LCORL: variants seen among roughly 807,000 people sequenced by gnomAD.
LCORL encodes ligand-dependent nuclear receptor corepressor-like protein.
LCORL carries 41 observed loss-of-function variants against 141.8 expected under a neutral mutation model. The ratio of observed to expected loss-of-function variants is 0.29; its 90% CI spans 0.23 to 0.38. The LOEUF is 0.38. LCORL is among the 10% of genes least tolerant of loss of function. The pLI, the probability that LCORL is intolerant of heterozygous loss-of-function variation, is 1.00. For missense variants in LCORL, 1,759 were observed against 2,035.0 expected (o/e 0.86, Z 2.61); for synonymous variants, 618 against 694.1 (o/e 0.89, Z 1.72).
At chr4:17,904,296 T>C (rs1171612707) in intron 5 of LCORL, among the ~76,000 whole-genome samples, 46 of 152,108 alleles carry the variant, frequency 3.0e-4, no homozygotes, top group Non-Finnish European at 1.0e-4. Context: ...ATTTTTCTTA[T>C]CAGTTGTCTG....
chr4:18,014,547 A>G (rs954461085), intron 1 of LCORL, among the ~76,000 whole-genome samples: 36 of 152,316 alleles, frequency 2.4e-4, no homozygotes, highest in African/African-American at 7.5e-4. Context: ...CAACAGATTA[A>G]GGTAAAAAAA....
intron 4 of LCORL, among the ~76,000 whole-genome samples, chr4:17,938,204 T>C (rs560798047): frequency 6.6e-6 from 1 of 151,428 alleles, no homozygotes; most frequent in African/African-American, 2.4e-5. Flanking sequence ...ATGGGGTTTC[T>C]CCATGTTGGT....
intron 7 of LCORL, among the ~76,000 whole-genome samples, chr4:17,848,700 C>T (rs991493123): frequency 1.3e-5 from 2 of 152,214 alleles, no homozygotes; most frequent in African/African-American, 2.4e-5. Flanking sequence ...GTGCAGTGCA[C>T]CGTGTGCGAG....
chr4:17,915,370 C>A (rs981549671), intron 4 of LCORL, among the ~76,000 whole-genome samples: 1 of 152,194 alleles, frequency 6.6e-6, no homozygotes, highest in South Asian at 2.1e-4. Flanking sequence ...CTGAGCAATT[C>A]TCAGGTTACT....
At chr4:17,894,328 T>C (rs549018469) in intron 5 of LCORL, among the ~76,000 whole-genome samples, 5 of 152,350 alleles carry the variant, frequency 3.3e-5, no homozygotes, top group Admixed American at 2.6e-4. Flanking sequence ...ATAATAATTC[T>C]GATAAACTTG....
intron 5 of LCORL, among the ~76,000 whole-genome samples, chr4:17,891,906 T>C (rs1729135876): frequency 6.6e-6 from 1 of 152,200 alleles, no homozygotes; most frequent in African/African-American, 2.4e-5. Context: ...TGTATGTGCC[T>C]ACATATACAC....
At chr4:17,970,082 A>C (rs980656337) in intron 2 of LCORL, among the ~76,000 whole-genome samples, 14 of 152,182 alleles carry the variant, frequency 9.2e-5, no homozygotes, top group Non-Finnish European at 1.8e-4. Context: ...CCTTAACTTA[A>C]AACATGTATT....
At chr4:17,998,709 G>A (rs1721301539) in intron 1 of LCORL, among the ~76,000 whole-genome samples, 1 of 151,788 alleles carries the variant, frequency 6.6e-6, no homozygotes, top group Admixed American at 6.6e-5. Flanking sequence ...GTTCATGCCT[G>A]TAATCCCAGA....
intron 1 of LCORL, among the ~76,000 whole-genome samples, chr4:18,018,508 A>G (rs1023013399): frequency 6.6e-6 from 1 of 152,216 alleles, no homozygotes; most frequent in African/African-American, 2.4e-5. Context: ...AATCTAACAT[A>G]AAGAGATGAA....
At chr4:18,001,850 T>A (rs975946851) in intron 1 of LCORL, among the ~76,000 whole-genome samples, 10 of 151,704 alleles carry the variant, frequency 6.6e-5, no homozygotes, top group Non-Finnish European at 7.4e-5. Flanking sequence ...ATAAAACAAA[T>A]TTTTTTTAAA....
intron 4 of LCORL, among the ~76,000 whole-genome samples, chr4:17,935,578 CT>C (rs1736719171): frequency 6.6e-6 from 1 of 151,998 alleles, no homozygotes; most frequent in Non-Finnish European, 1.5e-5. Context: ...AGCCTTGCAG[CT>C]TCCCTTTCCC....
intron 4 of LCORL, among the ~76,000 whole-genome samples, chr4:17,911,432 A>G (rs1732508741): frequency 6.6e-6 from 1 of 152,228 alleles, no homozygotes; most frequent in African/African-American, 2.4e-5. Context: ...TTGAGGCACT[A>G]AGAAGGATAA....
At chr4:17,855,144 G>A (rs1357990579) in intron 7 of LCORL, among the ~76,000 whole-genome samples, 3 of 152,016 alleles carry the variant, frequency 2.0e-5, no homozygotes, top group Non-Finnish European at 2.9e-5. Flanking sequence ...AATTATAGTC[G>A]GATTAAGGGC....
At chr4:17,941,289 A>G (rs139745268) in intron 4 of LCORL, among the ~76,000 whole-genome samples, 30 of 152,130 alleles carry the variant, frequency 2.0e-4, no homozygotes, top group African/African-American at 6.3e-4. Context: ...GGCACTATAT[A>G]TGCACATATA....
chr4:17,851,125 T>C (rs1723635793), intron 7 of LCORL, among the ~76,000 whole-genome samples: 1 of 108,306 alleles, frequency 9.2e-6, no homozygotes, highest in Admixed American at 1.1e-4. Flanking sequence ...CTGGGGACTG[T>C]TGTGGGGTGG....
chr4:17,848,706 G>A (rs963865126), intron 7 of LCORL, among the ~76,000 whole-genome samples: 6 of 152,236 alleles, frequency 3.9e-5, no homozygotes, highest in African/African-American at 1.4e-4. Context: ...TGCACCGTGT[G>A]CGAGCCGAAG....
chr4:17,989,141 C>T (rs959318758), intron 1 of LCORL, among the ~76,000 whole-genome samples: 15 of 152,262 alleles, frequency 9.9e-5, no homozygotes, highest in African/African-American at 3.6e-4. Flanking sequence ...CTGTGGAAAA[C>T]GACAATTGTA....
At chr4:17,939,511 A>G (rs1178344505) in intron 4 of LCORL, among the ~76,000 whole-genome samples, 1 of 152,174 alleles carries the variant, frequency 6.6e-6, no homozygotes, top group Non-Finnish European at 1.5e-5. Flanking sequence ...AGAGACTTAC[A>G]CAAGAATGTT....
chr4:17,858,619 T>C (rs1724632373), intron 7 of LCORL, among the ~76,000 whole-genome samples: 4 of 151,374 alleles, frequency 2.6e-5, no homozygotes. Context: ...TCCCAGCTAC[T>C]TGGGAGGCTG....
Sources: gnomAD v4.1 joint callset for allele counts (sites outside exome capture counted in the v4.1 genomes callset) on GRCh38, gnomAD v4.1.1 for gene constraint, MANE v1.5 for transcripts, NCBI Gene and HGNC (gene_info 2026-07-23, HGNC 2026-07-21) for gene names.